Variants in GPC6 observed in about 807,000 individuals in gnomAD.
GPC6 encodes the protein glypican-6.
GPC6 carries 14 observed loss-of-function variants against 55.2 expected under a neutral mutation model. The ratio of observed to expected loss-of-function variants is 0.25; its 90% confidence interval spans 0.17 to 0.40. The LOEUF is 0.40. Among genes scored for constraint, GPC6 ranks in the 10% least tolerant of loss-of-function variants. The pLI is 1.00. For synonymous variants in GPC6, 278 were observed against 259.6 expected, an observed-to-expected ratio of 1.07 and a Z score of -0.68; for missense variants, 641 against 708.5, an observed-to-expected ratio of 0.90 and a Z score of 1.08.
At chr13:93,787,637 G>T (rs774549463) in intron 2 of GPC6, among the ~76,000 whole-genome samples, 2 of 152,106 alleles carry the variant, frequency 1.3e-5, no homozygotes, top group African/African-American at 2.4e-5. Context: ...GGGTCATTGG[G>T]ATATCCATCA....
intron 2 of GPC6, among the ~76,000 whole-genome samples, chr13:93,547,050 GC>G: frequency 6.6e-6 from 1 of 152,174 alleles, no homozygotes; most frequent in Admixed American, 6.5e-5. Flanking sequence ...GACTGAGCCG[GC>G]CAGGCATGGT....
In GPC6 at chr13:93,227,506, T is replaced by A; in HGVS notation, c.50T>A (p.Leu17His). ...AVILPLLGLL[L>H]SLPAGADVKA... ...ATTCTTCCCCTCTTGGGGCTGCTGC[T>A]CTCCCTCCCCGCCGGGGCGGATGTG... Residue 17 changes from leucine (L) to histidine (H), a missense_variant, in exon 1 of 9, where the codon CTC becomes CAC. Leu to His is a moderately conservative substitution (Grantham distance 99). Transcript: ENST00000377047. This position sits in a 1 kb window ranked among gnomAD's most constrained non-coding sequence, Gnocchi z 4.3. 1 of 1,613,838 alleles carries A rather than the reference T, an allele frequency of 6.2e-7. No homozygotes were observed. Among genetic ancestry groups the A allele is most frequent in the Non-Finnish European group, 8.5e-7 (1 of 1,179,808 alleles).
intron 4 of GPC6, among the ~76,000 whole-genome samples, chr13:94,073,978 G>A (rs1185941866): frequency 3.3e-5 from 5 of 152,122 alleles, no homozygotes. Context: ...AAAAATGAAG[G>A]TGAAGCCATG....
Position 94,178,101 on chromosome 13 carries a change from C to A in GPC6, c.878-108248C>A, listed in dbSNP as rs566030296. 9.0e-3 allele frequency among the ~76,000 whole-genome samples: 1,323 copies of A among 146,806 alleles called. 12 individuals are homozygous for A. Among genetic ancestry groups the A allele is most frequent in the Non-Finnish European group, 0.014 (920 of 67,548 alleles). On this transcript the variant is annotated intron_variant, in intron 4 of 8. Transcript: ENST00000377047. ...TGGTGCGATCTCAACTCACTGCAAC[C>A]TCCGCCTCCTGGGTTCAAGCGATTC...
At chr13:93,671,242 T>C (rs906467434) in intron 2 of GPC6, among the ~76,000 whole-genome samples, 1 of 152,142 alleles carries the variant, frequency 6.6e-6, no homozygotes, top group Non-Finnish European at 1.5e-5. Context: ...ATAGACAATG[T>C]TGACCAAACT....
chr13:94,343,349 C>T (rs970087094), intron 6 of GPC6, among the ~76,000 whole-genome samples: 1 of 152,206 alleles, frequency 6.6e-6, no homozygotes, highest in Non-Finnish European at 1.5e-5. Context: ...ATGAAGCCCG[C>T]AGCCTTTGCC....
In GPC6 at chr13:94,204,170, A is replaced by G. The variant is rs144109405; in HGVS notation, c.878-82179A>G. ...AAAGAGGACAAAGAGTCAAAAAGCA[A>G]CTTCAAATCCTTCTATATACAAAAT... is the stretch of plus-strand genomic sequence containing the variant. On this transcript the variant is annotated intron_variant, in intron 4 of 8. Coordinates refer to ENST00000377047, the MANE Select transcript of GPC6 (RefSeq NM_005708.5). 1.2e-3 allele frequency among the ~76,000 whole-genome samples: 182 copies of G among 152,208 alleles called. 1 individual carries two copies. The highest frequency in any genetic ancestry group is 0.012 in the Admixed American group (177 of 15,302).
intron 4 of GPC6, among the ~76,000 whole-genome samples, chr13:94,108,846 A>G (rs551780488): frequency 6.3e-5 from 8 of 126,012 alleles, no homozygotes; most frequent in African/African-American, 1.8e-4. Flanking sequence ...CCGTCTCAAA[A>G]AAAAAAACAA....
chr13:93,949,445 A>G (rs1022862668), intron 3 of GPC6, among the ~76,000 whole-genome samples: 2 of 152,208 alleles, frequency 1.3e-5, no homozygotes, highest in African/African-American at 4.8e-5. Context: ...TACAGCTTTA[A>G]TATTCAAGTG....
chr13:93,690,398 C>G (rs533407055), intron 2 of GPC6, among the ~76,000 whole-genome samples: 9 of 152,048 alleles, frequency 5.9e-5, no homozygotes, highest in African/African-American at 1.9e-4. Context: ...TCCCTGGCAG[C>G]TGAGATGCTC....
intron 2 of GPC6, among the ~76,000 whole-genome samples, chr13:93,606,961 T>C (rs1272684724): frequency 2.0e-5 from 3 of 152,184 alleles, no homozygotes; most frequent in Non-Finnish European, 4.4e-5. Context: ...TAATACTTCT[T>C]GAATGAATAT....
chr13:93,316,907 T>C (rs1228060250), intron 1 of GPC6, among the ~76,000 whole-genome samples: 1 of 152,118 alleles, frequency 6.6e-6, no homozygotes, highest in African/African-American at 2.4e-5. Context: ...ATTTAATTTC[T>C]GTAGCATATA....
intron 2 of GPC6, among the ~76,000 whole-genome samples, chr13:93,686,217 C>T (rs558318721): frequency 5.9e-5 from 9 of 152,058 alleles, no homozygotes; most frequent in Admixed American, 3.3e-4. Context: ...ACCTTCAATG[C>T]GACATAATCA....
intron 1 of GPC6, among the ~76,000 whole-genome samples, chr13:93,506,150 G>A (rs1880704997): frequency 1.3e-5 from 2 of 152,108 alleles, no homozygotes; most frequent in South Asian, 4.1e-4. Context: ...TATCTGCACA[G>A]TTCAGAGCCC....
intron 2 of GPC6, among the ~76,000 whole-genome samples, chr13:93,633,930 T>C (rs1290830298): frequency 6.6e-6 from 1 of 152,128 alleles, no homozygotes; most frequent in Non-Finnish European, 1.5e-5. Flanking sequence ...ATAATTTCAA[T>C]ATAGTAAACA....
intron 4 of GPC6, among the ~76,000 whole-genome samples, chr13:94,120,360 TTCCC>T (rs1384305352): frequency 6.6e-6 from 1 of 152,072 alleles, no homozygotes; most frequent in African/African-American, 2.4e-5. Flanking sequence ...TGCCCATGGT[TTCCC>T]TCCCAAGTAG....
At chr13:93,720,549 T>TC (rs757354066) in intron 2 of GPC6, among the ~76,000 whole-genome samples, 3 of 151,896 alleles carry the variant, frequency 2.0e-5, no homozygotes, top group South Asian at 2.1e-4. Context: ...GAAGGGTTTT[T>TC]CCTGTCTCTA....
intron 2 of GPC6, among the ~76,000 whole-genome samples, chr13:93,624,425 C>A (rs747510918): frequency 6.6e-6 from 1 of 152,126 alleles, no homozygotes; most frequent in African/African-American, 2.4e-5. Flanking sequence ...GGGCTTTATA[C>A]GTCTCAATTT....
chr13:93,303,954 C>T (rs765673285), intron 1 of GPC6, among the ~76,000 whole-genome samples: 9 of 150,662 alleles, frequency 6.0e-5, no homozygotes, highest in Admixed American at 6.6e-5. Context: ...CTGCAACCTC[C>T]GCCTCCTGGG....
Sources: allele counts gnomAD v4.1 joint callset (sites outside exome capture counted in the v4.1 genomes callset), GRCh38; gene constraint gnomAD v4.1.1; non-coding constraint Gnocchi (gnomAD v3.1); transcripts MANE v1.5; gene names NCBI Gene and HGNC (gene_info 2026-07-23, HGNC 2026-07-21).